The following SLIT3 variants were observed in gnomAD, a reference collection of about 807,000 sequenced individuals.
SLIT3 encodes the protein slit guidance ligand 3.
In SLIT3, 68 loss-of-function variants were observed where a neutral mutation model predicts 184.0. The ratio of observed to expected loss-of-function variants is 0.37; its 90% CI spans 0.30 to 0.45. SLIT3 has a LOEUF of 0.45. Ranked by LOEUF, SLIT3 falls within the 20% of genes least tolerant of loss-of-function variation. The pLI is 1.00. For missense variants in SLIT3, 1,707 were observed against 2,026.0 expected (o/e 0.84, Z 3.02); for synonymous variants, 831 against 828.6 (o/e 1.00, Z -0.05).
intron 5 of SLIT3, among the ~76,000 whole-genome samples, chr5:168,865,636 A>G (rs998160456): frequency 2.6e-5 from 4 of 152,324 alleles, no homozygotes; most frequent in South Asian, 2.1e-4. Context: ...TTACATGGCT[A>G]TTCACTGGTC....
At chr5:169,212,489 T>G (rs1156643260) in intron 3 of SLIT3, among the ~76,000 whole-genome samples, 1 of 152,190 alleles carries the variant, frequency 6.6e-6, no homozygotes. Flanking sequence ...TCTTGTAAAT[T>G]TAAGTTCTTT....
intron 5 of SLIT3, among the ~76,000 whole-genome samples, chr5:168,882,518 G>T (rs961736834): frequency 6.6e-6 from 1 of 152,148 alleles, no homozygotes; most frequent in African/African-American, 2.4e-5. Flanking sequence ...TCACACAGGC[G>T]TATACAAGTG....
rs187611250 is a variant in SLIT3, at chr5:169,237,546, T to G, written c.341+7159A>C. On this transcript the variant is annotated intron_variant, in intron 3 of 35. Coordinates refer to ENST00000519560, the MANE Select transcript of SLIT3 (RefSeq NM_003062.4). ...TGTCAGCAATGAATGAGAGTTCCTG[T>G]TACTCCACCTCACCAGCAATTAGCA... 2.0e-5 allele frequency among the ~76,000 whole-genome samples: 3 copies of G among 152,322 alleles called. No homozygotes were observed. In the East Asian group the frequency reaches 5.8e-4, roughly 29 times the overall value.
At chr5:169,272,737 C>T (rs1303263746) in intron 1 of SLIT3, among the ~76,000 whole-genome samples, 1 of 152,186 alleles carries the variant, frequency 6.6e-6, no homozygotes, top group Admixed American at 6.5e-5. Flanking sequence ...ACCCCAGCTC[C>T]CAGGGAAAAA....
In SLIT3 at chr5:168,739,088, G is replaced by A. The variant is rs139084984; in HGVS notation, c.2270+9214C>T. ...CTTAAAGACTTTTCTGATGAGATCA[G>A]CGGTGATATCAAAGGACATTATTTA... On this transcript the variant is annotated intron_variant, in intron 20 of 35. Transcript: ENST00000519560. 2.9e-3 allele frequency among the ~76,000 whole-genome samples: 447 copies of A among 152,306 alleles called. 2 individuals carry two copies. The highest frequency in any genetic ancestry group is 0.01 in the African/African-American group (427 of 41,566).
At chr5:168,683,925 G>A (rs372247098) in intron 32 of SLIT3, 41 bp downstream of exon 32, 275 of 1,421,148 alleles carry the variant, frequency 1.9e-4, no homozygotes, top group Non-Finnish European at 2.4e-4. Context: ...AGAAGGATGC[G>A]GAGGAACACA....
chr5:169,050,309 T>C (rs908852112), intron 4 of SLIT3, among the ~76,000 whole-genome samples: 8 of 152,226 alleles, frequency 5.3e-5, no homozygotes, highest in African/African-American at 1.9e-4. Context: ...ACCTTGAGTT[T>C]TATTTGCCCA....
intron 4 of SLIT3, among the ~76,000 whole-genome samples, chr5:168,979,075 G>A (rs1412145940): frequency 1.3e-5 from 2 of 152,140 alleles, no homozygotes; most frequent in Non-Finnish European, 2.9e-5. Flanking sequence ...TCAGAGCTAG[G>A]CCCATAAATG....
intron 9 of SLIT3, among the ~76,000 whole-genome samples, chr5:168,799,288 A>G (rs1756682793): frequency 6.6e-6 from 1 of 152,228 alleles, no homozygotes; most frequent in Non-Finnish European, 1.5e-5. Flanking sequence ...AAACTGTCAC[A>G]TTTAGGGATG....
At chr5:169,029,565 G>A (rs1756948892) in intron 4 of SLIT3, among the ~76,000 whole-genome samples, 1 of 152,178 alleles carries the variant, frequency 6.6e-6, no homozygotes, top group African/African-American at 2.4e-5. Context: ...ATGAGGGCTT[G>A]AAAAAGCCTT....
chr5:169,046,728 T>G (rs571778386), intron 4 of SLIT3, among the ~76,000 whole-genome samples: 1 of 152,214 alleles, frequency 6.6e-6, no homozygotes, highest in African/African-American at 2.4e-5. Context: ...CTATCTTCCT[T>G]CATTGCTGAG....
In SLIT3 at chr5:168,874,294, G is replaced by C. The variant is rs371859442; in HGVS notation, c.485+8971C>G. On this transcript the variant is annotated intron_variant, in intron 5 of 35. Transcript: ENST00000519560. ...TCTCTGGGCTCCTTCTTGTTGCCTT[G>C]ACTTTATTCTTCTTTGCTAGGATAT... 5.9e-5 allele frequency among the ~76,000 whole-genome samples: 9 copies of C among 152,112 alleles called. No homozygotes were observed. In the East Asian group the frequency reaches 9.6e-4, roughly 16 times the overall value.
intron 4 of SLIT3, among the ~76,000 whole-genome samples, chr5:169,008,306 C>A (rs562219125): frequency 6.6e-6 from 1 of 152,320 alleles, no homozygotes; most frequent in East Asian, 1.9e-4. Flanking sequence ...TGGGTCACCA[C>A]ATAATCTGTG....
intron 3 of SLIT3, among the ~76,000 whole-genome samples, chr5:169,196,342 G>A (rs1371933421): frequency 1.3e-5 from 2 of 152,192 alleles, no homozygotes; most frequent in Non-Finnish European, 2.9e-5. Context: ...TTGTGCTCTT[G>A]CTGTGGGATC....
chr5:169,141,424 G>GTT (rs869103839), intron 4 of SLIT3, among the ~76,000 whole-genome samples: 1 of 94,702 alleles, frequency 1.1e-5, no homozygotes, highest in African/African-American at 3.9e-5. Context: ...TGTTTGTTTT[G>GTT]TTTTTTTTTT....
At chr5:168,776,548 T>C (rs1755754125) in intron 12 of SLIT3, among the ~76,000 whole-genome samples, 1 of 152,328 alleles carries the variant, frequency 6.6e-6, no homozygotes, top group East Asian at 1.9e-4. Context: ...CACATGTTTC[T>C]AGGGAGCATG....
At chr5:169,060,616 G>T (rs1758145307) in intron 4 of SLIT3, among the ~76,000 whole-genome samples, 1 of 152,172 alleles carries the variant, frequency 6.6e-6, no homozygotes, top group African/African-American at 2.4e-5. Context: ...CATTAGCTGG[G>T]AGTCTGCATC....
intron 5 of SLIT3, among the ~76,000 whole-genome samples, chr5:168,856,806 T>TGTGTGCGCGC (rs374432432): frequency 8.9e-4 from 123 of 137,806 alleles, no homozygotes; most frequent in African/African-American, 2.4e-3. Context: ...TGTGTGTGTG[T>TGTGTGCGCGC]GCGCGCGCGC....
intron 3 of SLIT3, among the ~76,000 whole-genome samples, chr5:169,207,026 A>T (rs1764092779): frequency 6.7e-6 from 1 of 150,104 alleles, no homozygotes. Context: ...CTTCGATCTG[A>T]TTGAATCTTT....
Sources: gnomAD v4.1 joint callset for allele counts (sites outside exome capture counted in the v4.1 genomes callset) on GRCh38, gnomAD v4.1.1 for gene constraint, MANE v1.5 for transcripts, NCBI Gene and HGNC (gene_info 2026-07-23, HGNC 2026-07-21) for gene names.